Variants in SNX29 observed in about 807,000 individuals in gnomAD.
SNX29 encodes sorting nexin-29.
Under a neutral mutation model 102.1 loss-of-function variants are expected in SNX29, and 78 were observed. That is an observed-to-expected ratio of 0.76 (90% CI 0.64 to 0.92). The LOEUF (loss-of-function observed/expected upper bound fraction) is 0.92. Ranked by LOEUF, SNX29 falls within the 40% of genes least tolerant of loss-of-function variation. The pLI, the probability that SNX29 is intolerant of heterozygous loss-of-function variation, is 0.00. For synonymous variants in SNX29, 580 were observed against 414.5 expected (o/e 1.40, Z -4.85); for missense variants, 1,280 against 1,061.7 (o/e 1.21, Z -2.86).
intron 16 of SNX29, among the ~76,000 whole-genome samples, chr16:12,362,562 A>ACCCCCCCCCCCCCCCCCCC (rs796459458): frequency 5.0e-5 from 1 of 19,984 alleles, no homozygotes; most frequent in Admixed American, 7.8e-4. Flanking sequence ...CTCCCCCCCC[A>ACCCCCCCCCCCCCCCCCCC]CCCCCCCCCC....
At chr16:12,562,681 A>G (rs995028599) in intron 20 of SNX29, among the ~76,000 whole-genome samples, 2 of 152,174 alleles carry the variant, frequency 1.3e-5, no homozygotes, top group Admixed American at 6.5e-5. Context: ...ATTTACAGGC[A>G]CTGCCTTCTT....
intron 18 of SNX29, among the ~76,000 whole-genome samples, chr16:12,454,444 TGA>T (rs945453669): frequency 2.0e-5 from 3 of 152,164 alleles, no homozygotes; most frequent in Non-Finnish European, 2.9e-5. Context: ...GAGTAGAGGC[TGA>T]GAGAACTGCT....
intron 18 of SNX29, among the ~76,000 whole-genome samples, chr16:12,471,266 G>A (rs1202198406): frequency 6.6e-6 from 1 of 152,166 alleles, no homozygotes; most frequent in Non-Finnish European, 1.5e-5. Context: ...ATGTTTGTGT[G>A]TGTGTCTGAG....
At chr16:12,346,211 C>T (rs1354358905) in intron 15 of SNX29, among the ~76,000 whole-genome samples, 1 of 151,850 alleles carries the variant, frequency 6.6e-6, no homozygotes, top group African/African-American at 2.4e-5. Context: ...CTAGGTTTGG[C>T]CACAGGATGG....
intron 18 of SNX29, among the ~76,000 whole-genome samples, chr16:12,477,438 A>G (rs1009971169): frequency 6.6e-6 from 1 of 152,244 alleles, no homozygotes; most frequent in African/African-American, 2.4e-5. Context: ...TGAAACATGC[A>G]TCTCTGCTAT....
Position 12,096,078 on chromosome 16 carries a change from G to C in SNX29, c.1402+17163G>C, listed in dbSNP as rs1285221852. Among the ~76,000 whole-genome samples, 1 of 152,246 alleles carries C rather than the reference G, an allele frequency of 6.6e-6. No individual in the cohort carries two copies. The highest frequency in any genetic ancestry group is 2.4e-5 in the African/African-American group (1 of 41,474). On this transcript the variant is annotated intron_variant, in intron 11 of 20. Transcript: ENST00000566228. This position sits in a 1 kb window ranked among gnomAD's most constrained non-coding sequence, Gnocchi z 4.2. ...GCTTCATGATAAAATTTTAGGATGAGATGGTGGGGCAGTGGCCGTTAAATC... is the reference window on the plus strand; with the variant it reads ...GCTTCATGATAAAATTTTAGGATGACATGGTGGGGCAGTGGCCGTTAAATC...
chr16:12,468,259 C>T (rs2087163608), intron 18 of SNX29, among the ~76,000 whole-genome samples: 3 of 146,600 alleles, frequency 2.0e-5, no homozygotes, highest in African/African-American at 7.6e-5. Context: ...ACTGTAACCT[C>T]TGCCTCCCAG....
chr16:12,422,694 C>T (rs921458632), intron 18 of SNX29, among the ~76,000 whole-genome samples: 3 of 152,148 alleles, frequency 2.0e-5, no homozygotes, highest in African/African-American at 7.2e-5. Context: ...TCAGGGACTT[C>T]CTGAGAACCC....
At chr16:12,232,221 T>C (rs1250376802) in intron 14 of SNX29, among the ~76,000 whole-genome samples, 1 of 152,152 alleles carries the variant, frequency 6.6e-6, no homozygotes, top group Non-Finnish European at 1.5e-5. Flanking sequence ...GCCATGTTAG[T>C]AGATGTGGTT....
intron 11 of SNX29, among the ~76,000 whole-genome samples, chr16:12,093,368 G>A (rs1478560485): frequency 6.6e-6 from 1 of 152,172 alleles, no homozygotes; most frequent in East Asian, 1.9e-4. Context: ...CCAACACTTT[G>A]GGAGGACAAG....
At chr16:12,171,916 G>A (rs1337241987) in intron 13 of SNX29, among the ~76,000 whole-genome samples, 4 of 152,140 alleles carry the variant, frequency 2.6e-5, no homozygotes, top group Non-Finnish European at 5.9e-5. Context: ...TGACCTCTCT[G>A]GGCCCCAGTG....
intron 16 of SNX29, among the ~76,000 whole-genome samples, chr16:12,370,866 T>A (rs1567490889): frequency 6.6e-6 from 1 of 152,168 alleles, no homozygotes; most frequent in East Asian, 1.9e-4. Context: ...GGAATAGATA[T>A]GTTTTGGTAA....
At chr16:12,459,089 C>A (rs1363047351) in intron 18 of SNX29, among the ~76,000 whole-genome samples, 2 of 126,814 alleles carry the variant, frequency 1.6e-5, no homozygotes, top group African/African-American at 3.0e-5. Context: ...TCCACTCCCC[C>A]CTCCTCCCAC....
At chr16:12,403,670 C>T (rs2151514008) in intron 18 of SNX29, 141 bp downstream of exon 18, 3 of 799,432 alleles carry the variant, frequency 3.8e-6, no homozygotes, top group East Asian at 2.7e-5. Flanking sequence ...TCTTAACTGC[C>T]CAGAGGCCTT....
At chr16:12,404,560 C>T (rs755429701) in intron 18 of SNX29, among the ~76,000 whole-genome samples, 1 of 152,120 alleles carries the variant, frequency 6.6e-6, no homozygotes, top group African/African-American at 2.4e-5. Context: ...TGTTTTATTC[C>T]CCATGAGCTC....
At chr16:12,302,415 A>G (rs1055078391) in intron 15 of SNX29, among the ~76,000 whole-genome samples, 9 of 152,272 alleles carry the variant, frequency 5.9e-5, no homozygotes, top group Non-Finnish European at 1.2e-4. Flanking sequence ...ACAAAATACC[A>G]TAAACTGAGA....
chr16:12,560,135 TCC>T (rs57116555), intron 20 of SNX29, among the ~76,000 whole-genome samples: 2 of 135,394 alleles, frequency 1.5e-5, no homozygotes, highest in Non-Finnish European at 3.1e-5. Flanking sequence ...TGTGTTCCCC[TCC>T]CCCCCCCAAC....
intron 18 of SNX29, among the ~76,000 whole-genome samples, chr16:12,474,416 C>CCTAAACATG (rs1225407903): frequency 2.6e-5 from 4 of 152,106 alleles, no homozygotes; most frequent in African/African-American, 7.2e-5. Context: ...GAGTCATTGG[C>CCTAAACATG]CTAAACATGA....
chr16:12,311,312 A>G (rs953719216), intron 15 of SNX29, among the ~76,000 whole-genome samples: 3 of 152,210 alleles, frequency 2.0e-5, no homozygotes, highest in African/African-American at 7.2e-5. Context: ...CAAAGGGGAC[A>G]GGAATTGAAG....
Sources: gnomAD v4.1 joint callset for allele counts (sites outside exome capture counted in the v4.1 genomes callset) on GRCh38, gnomAD v4.1.1 for gene constraint, Gnocchi (gnomAD v3.1) non-coding constraint, MANE v1.5 for transcripts, NCBI Gene and HGNC (gene_info 2026-07-23, HGNC 2026-07-21) for gene names.